Variants in PTPRK observed in about 807,000 individuals in gnomAD.
The protein encoded by PTPRK is protein tyrosine phosphatase receptor type K, also known as receptor-type tyrosine-protein phosphatase kappa.
PTPRK carries 75 observed loss-of-function variants against 178.0 expected under a neutral mutation model. That is an observed-to-expected ratio of 0.42 (90% CI 0.35 to 0.51). The LOEUF is 0.51. Among genes scored for constraint, PTPRK ranks in the 20% least tolerant of loss-of-function variants. The pLI, the probability that PTPRK is intolerant of heterozygous loss-of-function variation, is 0.02. For missense variants in PTPRK, 1,441 were observed against 1,797.8 expected, an observed-to-expected ratio of 0.80 and a Z score of 3.59; for synonymous variants, 637 against 620.6, an observed-to-expected ratio of 1.03 and a Z score of -0.39.
chr6:128,247,523 T>TG (rs1410455289), intron 3 of PTPRK, among the ~76,000 whole-genome samples: 3 of 152,098 alleles, frequency 2.0e-5, no homozygotes, highest in East Asian at 1.9e-4. Context: ...TTTAACATGT[T>TG]GGCTAGGCTG....
At chr6:127,988,990 T>G (rs1216180688) in intron 21 of PTPRK, among the ~76,000 whole-genome samples, 5 of 152,084 alleles carry the variant, frequency 3.3e-5, no homozygotes, top group African/African-American at 1.2e-4. Context: ...CTATATAATA[T>G]AATTTTAGTT....
chr6:128,256,827 C>A (rs145446220), intron 3 of PTPRK, among the ~76,000 whole-genome samples: 1 of 151,978 alleles, frequency 6.6e-6, no homozygotes, highest in Non-Finnish European at 1.5e-5. Context: ...AAAAAGAGGG[C>A]GTTACAGACC....
chr6:127,995,329 G>A (rs367967037), intron 18 of PTPRK, 133 bp downstream of exon 18: 49 of 1,567,426 alleles, frequency 3.1e-5, no homozygotes, highest in Middle Eastern at 3.3e-4. Context: ...GTACTAGGAC[G>A]CAGAACAAGG....
At chr6:128,460,598 T>C (rs772118018) in intron 1 of PTPRK, among the ~76,000 whole-genome samples, 2 of 152,156 alleles carry the variant, frequency 1.3e-5, no homozygotes, top group African/African-American at 2.4e-5. Flanking sequence ...TCATTAAAGA[T>C]AAACAGAGTT....
At chr6:128,094,454 T>A (rs1283734206) in intron 7 of PTPRK, among the ~76,000 whole-genome samples, 1 of 152,062 alleles carries the variant, frequency 6.6e-6, no homozygotes, top group Non-Finnish European at 1.5e-5. Context: ...TGGATTTGAG[T>A]TATGTGAATG....
At chr6:128,034,616 G>A (rs1775905149) in intron 13 of PTPRK, among the ~76,000 whole-genome samples, 1 of 152,162 alleles carries the variant, frequency 6.6e-6, no homozygotes, top group Non-Finnish European at 1.5e-5. Context: ...GATTTATTAA[G>A]TAGGCCATCA....
intron 13 of PTPRK, among the ~76,000 whole-genome samples, chr6:128,060,240 T>C (rs1582788039): frequency 2.0e-5 from 3 of 152,326 alleles, no homozygotes; most frequent in Non-Finnish European, 4.4e-5. Context: ...TAATTTCTAG[T>C]TCTGATCTTA....
intron 2 of PTPRK, among the ~76,000 whole-genome samples, chr6:128,329,621 G>A (rs1490134060): frequency 6.6e-6 from 1 of 152,148 alleles, no homozygotes; most frequent in African/African-American, 2.4e-5. Flanking sequence ...CCAAAGGCAG[G>A]AGACTGATGT....
At chr6:127,991,667 C>T (rs1776631218) in intron 19 of PTPRK, among the ~76,000 whole-genome samples, 1 of 146,966 alleles carries the variant, frequency 6.8e-6, no homozygotes. Flanking sequence ...TTATATTTGT[C>T]ACTAAGTCAC....
intron 6 of PTPRK, among the ~76,000 whole-genome samples, chr6:128,196,591 TGGAA>T (rs1166266148): frequency 2.0e-5 from 3 of 152,132 alleles, no homozygotes; most frequent in Non-Finnish European, 4.4e-5. Flanking sequence ...TATGAAATAC[TGGAA>T]GGGAGTCCTA....
intron 1 of PTPRK, among the ~76,000 whole-genome samples, chr6:128,516,114 T>C (rs1027647480): frequency 1.3e-5 from 2 of 152,160 alleles, no homozygotes; most frequent in African/African-American, 2.4e-5. Flanking sequence ...AAAATATATT[T>C]GGCAAAAACA....
At chr6:128,148,338 A>G (rs565152601) in intron 7 of PTPRK, among the ~76,000 whole-genome samples, 4 of 152,288 alleles carry the variant, frequency 2.6e-5, no homozygotes, top group Admixed American at 1.3e-4. Flanking sequence ...TTGGAATTTT[A>G]AAATATTCAT....
At chr6:128,216,462 G>A (rs1809312065) in intron 6 of PTPRK, among the ~76,000 whole-genome samples, 1 of 151,672 alleles carries the variant, frequency 6.6e-6, no homozygotes, top group Admixed American at 6.6e-5. Flanking sequence ...TTGAACCCAG[G>A]AGGCAGAGGG....
At chr6:128,169,594 T>C (rs1282624467) in intron 7 of PTPRK, among the ~76,000 whole-genome samples, 5 of 152,080 alleles carry the variant, frequency 3.3e-5, no homozygotes, top group Non-Finnish European at 7.4e-5. Flanking sequence ...GTATTTTTTA[T>C]TGTTATTTCA....
chr6:128,204,966 T>G (rs1198402958), intron 6 of PTPRK, among the ~76,000 whole-genome samples: 4 of 152,172 alleles, frequency 2.6e-5, no homozygotes, highest in Admixed American at 1.3e-4. Flanking sequence ...TGCATGTGTG[T>G]GTTCATTGCA....
intron 13 of PTPRK, among the ~76,000 whole-genome samples, chr6:128,032,965 C>T (rs1293933533): frequency 6.6e-6 from 1 of 152,104 alleles, no homozygotes; most frequent in Admixed American, 6.5e-5. Flanking sequence ...CCCAGAGGTA[C>T]ACCCCAAGCC....
At chr6:128,059,140 C>T (rs149984146) in intron 13 of PTPRK, among the ~76,000 whole-genome samples, 106 of 152,180 alleles carry the variant, frequency 7.0e-4, no homozygotes, top group African/African-American at 2.3e-3. Context: ...TATTCTTTTG[C>T]ATTTCCATTT....
intron 7 of PTPRK, 52 bp downstream of exon 7, chr6:128,184,380 T>C: frequency 6.5e-7 from 1 of 1,548,950 alleles, no homozygotes; most frequent in Non-Finnish European, 8.8e-7. Context: ...TATTAATGTG[T>C]CTTATGCTAG....
intron 2 of PTPRK, among the ~76,000 whole-genome samples, chr6:128,364,874 C>T (rs866582072): frequency 1.3e-5 from 2 of 152,088 alleles, no homozygotes; most frequent in Middle Eastern, 3.4e-3. Flanking sequence ...TTAAAACTTT[C>T]CTTTTCCTGT....
Sources: allele counts gnomAD v4.1 joint callset (sites outside exome capture counted in the v4.1 genomes callset), GRCh38; gene constraint gnomAD v4.1.1; transcripts MANE v1.5; gene names NCBI Gene and HGNC (gene_info 2026-07-23, HGNC 2026-07-21).